The following OBP2B variants were observed in gnomAD, a reference collection of about 807,000 sequenced individuals.
The protein encoded by OBP2B is odorant binding protein 2B, also known as odorant-binding protein 2b.
OBP2B carries 10 observed loss-of-function variants against 21.7 expected under a neutral mutation model. That is an observed-to-expected ratio of 0.46 (90% CI 0.28 to 0.78). OBP2B has a LOEUF of 0.78. Ranked by LOEUF, OBP2B falls within the 30% of genes least tolerant of loss-of-function variation. The pLI is 0.11. For synonymous variants in OBP2B, 73 were observed against 91.5 expected (o/e 0.80, Z 1.16); for missense variants, 153 against 217.7 (o/e 0.70, Z 1.87).
At position 133,207,462 on chromosome 9, in the gene OBP2B, C is replaced by T. The variant is rs1235527483; in HGVS notation, c.278-126G>A. 8.2e-5 allele frequency: 54 copies of T among 660,970 alleles called. No homozygotes were observed. In the Admixed American group the frequency reaches 1.0e-3, roughly 12 times the overall value. The allele number at this position is 660,970 out of a possible 1,614,324, so 40.9% of individuals were successfully genotyped here. On this transcript the variant is annotated intron_variant, in intron 3 of 6. Transcript: ENST00000372034. ...CAGCCTGAGCCAGGCCTGGCTGCTC[C>T]GCACAGTGTGGACCCGGACACGGAG...
upstream of OBP2B, among the ~76,000 whole-genome samples, chr9:133,210,825 T>C (rs1833902750): frequency 6.6e-6 from 1 of 152,056 alleles, no homozygotes; most frequent in African/African-American, 2.4e-5. Context: ...ACTGGTTGGG[T>C]TCAACTGGTG....
Position 133,206,542 on chromosome 9 carries a change from G to C in OBP2B, c.389-126C>G. ...GGGGGAGAGGCCTGAGAGTGGATCAGAGCTCGGGGGTGGGGCTGGGGACAG... is the reference window on the plus strand; with the variant it reads ...GGGGGAGAGGCCTGAGAGTGGATCACAGCTCGGGGGTGGGGCTGGGGACAG... On this transcript the variant is annotated intron_variant, in intron 4 of 6. Transcript: ENST00000372034. 4.0e-6 allele frequency: 5 copies of C among 1,248,774 alleles called. No individual in the cohort carries two copies. The South Asian group carries it at 6.8e-5, about 17-fold the overall frequency. The allele number at this position is 1,248,774 out of a possible 1,614,324, so 77.4% of individuals were successfully genotyped here.
chr9:133,209,741 A>G (rs188165236), upstream of OBP2B, among the ~76,000 whole-genome samples: 1 of 152,124 alleles, frequency 6.6e-6, no homozygotes, highest in East Asian at 1.9e-4. The surrounding 1 kb of genome is among the most constrained non-coding windows in gnomAD (Gnocchi z 6.0). Context: ...CCACTCTGGG[A>G]CCCACTCTGC....
At chr9:133,211,875 A>G (rs768116317), upstream of OBP2B, among the ~76,000 whole-genome samples, 167 of 152,352 alleles carry the variant, frequency 1.1e-3, no homozygotes, top group Non-Finnish European at 2.0e-3. Context: ...ATTATATTAA[A>G]TGTAAATGGT....
At chr9:133,209,573 C>G (rs1833866997), upstream of OBP2B, among the ~76,000 whole-genome samples, 1 of 152,190 alleles carries the variant, frequency 6.6e-6, no homozygotes. This position sits in a 1 kb window ranked among gnomAD's most constrained non-coding sequence, Gnocchi z 6.0. Flanking sequence ...CCCTCACCAA[C>G]CCCTGCACCC....
chr9:133,207,357 G>A (rs781966043), intron 3 of OBP2B, 21 bp from the exon 4 acceptor site: 1 of 1,506,580 alleles, frequency 6.6e-7, no homozygotes, highest in East Asian at 2.3e-5. Flanking sequence ...CAGAGAAAAT[G>A]GGTCATTCCC....
intron 1 of OBP2B, 133 bp from the exon 2 acceptor site, chr9:133,208,735 G>C (rs1230445998): frequency 6.9e-7 from 1 of 1,458,702 alleles, no homozygotes; most frequent in African/African-American, 1.4e-5. Flanking sequence ...CTGTGTTCCT[G>C]CACCTTAGTT....
At chr9:133,220,410 G>A in the OBP2B span, among the ~76,000 whole-genome samples, 1 of 152,354 alleles carries the variant, frequency 6.6e-6, no homozygotes, top group South Asian at 2.1e-4. Flanking sequence ...GAGACACCCT[G>A]TTCATTTACT....
the OBP2B span, among the ~76,000 whole-genome samples, chr9:133,220,016 T>C: frequency 6.6e-6 from 1 of 152,166 alleles, no homozygotes; most frequent in African/African-American, 2.4e-5. Flanking sequence ...AAACCAGGCA[T>C]AAGAAACACA....
upstream of OBP2B, among the ~76,000 whole-genome samples, chr9:133,213,801 A>G (rs568933617): frequency 6.6e-6 from 1 of 152,328 alleles, no homozygotes; most frequent in Non-Finnish European, 1.5e-5. Context: ...AGCTTCCAAA[A>G]ATAATTCTTC....
the OBP2B span, among the ~76,000 whole-genome samples, chr9:133,220,080 G>A: frequency 6.6e-6 from 1 of 152,154 alleles, no homozygotes; most frequent in African/African-American, 2.4e-5. Context: ...TCATGCAGAC[G>A]GGAAGTCGAT....
intron 2 of OBP2B, 49 bp downstream of exon 2, chr9:133,208,420 G>A (rs1459136211): frequency 6.3e-7 from 1 of 1,597,612 alleles, no homozygotes; most frequent in African/African-American, 1.3e-5. Flanking sequence ...GTGGATCTGG[G>A]GAGGGGAGCG....
intron 1 of OBP2B, 32 bp from the exon 2 acceptor site, chr9:133,208,634 G>A (rs1833827543): frequency 1.9e-6 from 3 of 1,564,196 alleles, no homozygotes; most frequent in Non-Finnish European, 2.6e-6. Flanking sequence ...AGCCCACCAT[G>A]GGTGGCCCAG....
Position 133,208,180 on chromosome 9 carries a change from T to A in OBP2B, c.230A>T (p.Lys77Met), listed in dbSNP as rs1833803013. Residue 77 changes from lysine (K) to methionine (M), a missense_variant, in exon 3 of 7, where the codon AAG becomes ATG. This residue lies in a region of OBP2B where 151 missense variants were observed against 186.3 expected (regional missense o/e 0.81). Coordinates refer to ENST00000372034, the MANE Select transcript of OBP2B (RefSeq NM_014581.4). ...TFMREDRCIQ[K>M]KILMRKTEEP... ...CTCCGTCTTCCGCATCAGGATTTTCTTCTGGATGCACCTATCCTCCCTCCT... is the reference window on the plus strand; with the variant it reads ...CTCCGTCTTCCGCATCAGGATTTTCATCTGGATGCACCTATCCTCCCTCCT... The A allele has an allele frequency of 1.2e-6, 2 of 1,611,690 alleles. No homozygotes were observed. Among genetic ancestry groups the A allele is most frequent in the African/African-American group, 2.7e-5 (2 of 74,722 alleles).
the OBP2B span, among the ~76,000 whole-genome samples, chr9:133,217,322 A>C: frequency 6.6e-6 from 1 of 152,212 alleles, no homozygotes; most frequent in Non-Finnish European, 1.5e-5. Context: ...TCTTGCCTCC[A>C]GCTCCACACG....
upstream of OBP2B, among the ~76,000 whole-genome samples, chr9:133,213,339 C>A (rs1369801729): frequency 6.6e-6 from 1 of 152,068 alleles, no homozygotes; most frequent in East Asian, 1.9e-4. Flanking sequence ...AGTCCAAAAT[C>A]AACTATCTAA....
At chr9:133,214,953 G>T in the OBP2B span, among the ~76,000 whole-genome samples, 1 of 152,152 alleles carries the variant, frequency 6.6e-6, no homozygotes, top group Admixed American at 6.6e-5. Context: ...ATACAAATTG[G>T]AAAGGAAGGA....
the OBP2B span, among the ~76,000 whole-genome samples, chr9:133,219,981 G>A: frequency 6.6e-6 from 1 of 152,184 alleles, no homozygotes; most frequent in Non-Finnish European, 1.5e-5. Context: ...ATGAGCAAAC[G>A]TTGAAACATT....
intron 6 of OBP2B, 80 bp downstream of exon 6, chr9:133,205,837 G>A (rs1833686428): frequency 1.2e-6 from 2 of 1,607,582 alleles, no homozygotes; most frequent in Non-Finnish European, 1.7e-6. Flanking sequence ...GGGATGGGAG[G>A]GGCCAGAGCA....
Sources: allele counts gnomAD v4.1 joint callset (sites outside exome capture counted in the v4.1 genomes callset), GRCh38; gene constraint gnomAD v4.1.1; regional missense constraint gnomAD v4.1.1; non-coding constraint Gnocchi (gnomAD v3.1); transcripts MANE v1.5; gene names NCBI Gene and HGNC (gene_info 2026-07-23, HGNC 2026-07-21).